The following LTBP1 variants were observed in gnomAD, a reference collection of about 807,000 sequenced individuals.
LTBP1 encodes the protein latent transforming growth factor beta binding protein 1, also known as latent-transforming growth factor beta-binding protein 1.
Under a neutral mutation model 207.6 loss-of-function variants are expected in LTBP1, and 129 were observed. The observed-to-expected ratio is 0.62, with a 90% CI of 0.54 to 0.72. LTBP1 has a LOEUF of 0.72. Among genes scored for constraint, LTBP1 ranks in the 30% least tolerant of loss-of-function variants. The pLI, the probability that LTBP1 is intolerant of heterozygous loss-of-function variation, is 0.00. For missense variants in LTBP1, 2,281 were observed against 2,217.2 expected, an observed-to-expected ratio of 1.03 and a Z score of -0.58; for synonymous variants, 963 against 833.7, an observed-to-expected ratio of 1.16 and a Z score of -2.67.
chr2:33,259,639 T>A (rs771278056), intron 13 of LTBP1, 29 bp downstream of exon 13: 2 of 1,591,252 alleles, frequency 1.3e-6, no homozygotes, highest in Non-Finnish European at 1.7e-6. Context: ...GCAAGTCTTT[T>A]TTTTTCAACG....
intron 3 of LTBP1, among the ~76,000 whole-genome samples, chr2:33,025,659 G>T (rs568957525): frequency 1.3e-5 from 2 of 152,304 alleles, no homozygotes; most frequent in South Asian, 2.1e-4. Context: ...GAGCTGTGAT[G>T]ATGGCATTGT....
At chr2:33,228,507 GGAAAGGGAACTAACCTTTATT>G (rs2091581660) in intron 9 of LTBP1, among the ~76,000 whole-genome samples, 1 of 151,928 alleles carries the variant, frequency 6.6e-6, no homozygotes, top group Admixed American at 6.6e-5. Flanking sequence ...TCTGCTTTAG[GGAAAGGGAACTAACCTTTATT>G]GATCATTTAC....
intron 3 of LTBP1, among the ~76,000 whole-genome samples, chr2:33,054,772 A>G (rs1558571074): frequency 6.6e-6 from 1 of 152,056 alleles, no homozygotes; most frequent in Admixed American, 6.5e-5. Context: ...AGTTAAATGT[A>G]CCCGGGGCTC....
At chr2:33,243,621 G>A (rs2092411153) in intron 9 of LTBP1, 41 bp from the exon 10 acceptor site, 1 of 1,607,156 alleles carries the variant, frequency 6.2e-7, no homozygotes, top group Admixed American at 1.7e-5. Context: ...CTGCTCAATG[G>A]GGCTTGACTG....
At chr2:33,313,449 CCACTGGGTCAG>C (rs2094215820) in intron 23 of LTBP1, among the ~76,000 whole-genome samples, 1 of 151,942 alleles carries the variant, frequency 6.6e-6, no homozygotes, top group Non-Finnish European at 1.5e-5. Context: ...TTATTGAGGA[CCACTGGGTCAG>C]TGGCTAAGCG....
chr2:33,177,754 A>G (rs980711335), intron 5 of LTBP1, among the ~76,000 whole-genome samples: 1 of 152,230 alleles, frequency 6.6e-6, no homozygotes, highest in Non-Finnish European at 1.5e-5. Context: ...ATGGAATATT[A>G]TATAGCTACT....
At chr2:33,174,561 C>A (rs1348299727) in intron 5 of LTBP1, among the ~76,000 whole-genome samples, 1 of 151,720 alleles carries the variant, frequency 6.6e-6, no homozygotes, top group Non-Finnish European at 1.5e-5. Flanking sequence ...GAATCAATAT[C>A]GTGAAAATGG....
At chr2:33,255,319 AAGTC>A (rs2092819620) in intron 11 of LTBP1, among the ~76,000 whole-genome samples, 1 of 152,118 alleles carries the variant, frequency 6.6e-6, no homozygotes, top group Non-Finnish European at 1.5e-5. Flanking sequence ...AATCATTAAA[AAGTC>A]AGGAAACAAC....
rs541843073 is a variant in LTBP1 at position 32,969,713 on chromosome 2, G to A, written c.565+20768G>A. ...AGGTTGGTTCCATGCATTTGCTATC[G>A]TGAATAGTGCTGTGATGAACATATG... is the stretch of plus-strand genomic sequence containing the variant. On this transcript the variant is annotated intron_variant, in intron 2 of 33. Transcript: ENST00000404816. Among the ~76,000 whole-genome samples, 20 of 152,074 alleles carry A rather than the reference G, an allele frequency of 1.3e-4. 1 individual carries two copies. Among genetic ancestry groups the A allele is most frequent in the Non-Finnish European group, 2.2e-4 (15 of 68,022 alleles).
intron 6 of LTBP1, 35 bp from the exon 7 acceptor site, chr2:33,188,542 C>T: frequency 3.2e-6 from 5 of 1,545,424 alleles, no homozygotes; most frequent in Non-Finnish European, 4.4e-6. Flanking sequence ...GTTAGTTATT[C>T]AGGACTAACA....
chr2:33,123,947 T>A (rs2081294666), intron 4 of LTBP1, among the ~76,000 whole-genome samples: 2 of 152,258 alleles, frequency 1.3e-5, no homozygotes, highest in South Asian at 4.1e-4. Flanking sequence ...AGTACCACTT[T>A]AGCTCTTTGT....
intron 16 of LTBP1, 104 bp from the exon 17 acceptor site, chr2:33,274,861 G>T: frequency 1.8e-6 from 2 of 1,094,580 alleles, no homozygotes; most frequent in Non-Finnish European, 2.7e-6. Flanking sequence ...CAGTTATAAA[G>T]GTTGGGTGGT....
chr2:32,947,538 CCCAGCCGTGCCT>C lies in LTBP1; in HGVS notation c.217_228del (p.Ser73_Ser76del). On this transcript the variant is annotated inframe_deletion, in exon 1 of 34. Coordinates refer to ENST00000404816, the MANE Select transcript of LTBP1 (RefSeq NM_206943.4). ...CCGCAGCTCGGCGGCTGCCGGCGCC[CCCAGCCGTGCCT>C]CCCCCGGGGTCCCCTCGGAGAGGAC... 1 of 1,387,442 alleles carries C rather than the reference CCCAGCCGTGCCT, an allele frequency of 7.2e-7. No individual in the cohort carries two copies. Among genetic ancestry groups the C allele is most frequent in the Non-Finnish European group, 9.3e-7 (1 of 1,072,906 alleles). The allele number at this position is 1,387,442 out of a possible 1,614,324, so 85.9% of individuals were successfully genotyped here.
intron 33 of LTBP1, among the ~76,000 whole-genome samples, chr2:33,398,063 A>G (rs115430382): frequency 0.01 from 1,579 of 152,262 alleles, 15 homozygotes; most frequent in Middle Eastern, 0.024. Flanking sequence ...CTCCATACCT[A>G]TGGGAAGGAA....
chr2:33,143,040 C>G (rs933010473), intron 5 of LTBP1, among the ~76,000 whole-genome samples: 3 of 152,194 alleles, frequency 2.0e-5, no homozygotes, highest in Non-Finnish European at 4.4e-5. Context: ...TTCTTCCACC[C>G]CAATCCTCTA....
At chr2:33,198,782 CCT>C (rs1422413994) in intron 7 of LTBP1, among the ~76,000 whole-genome samples, 1 of 151,844 alleles carries the variant, frequency 6.6e-6, no homozygotes, top group African/African-American at 2.4e-5. Context: ...ATTTGATTCT[CCT>C]CTCTTTTCTT....
chr2:33,261,357 T>G (rs1279015598), intron 13 of LTBP1, among the ~76,000 whole-genome samples: 1 of 152,204 alleles, frequency 6.6e-6, no homozygotes, highest in Non-Finnish European at 1.5e-5. Context: ...TGAGGTCATC[T>G]CTAGTAAGTA....
intron 4 of LTBP1, among the ~76,000 whole-genome samples, chr2:33,113,043 T>C (rs11124308): frequency 0.15 from 23,180 of 152,218 alleles, 1,895 homozygotes; most frequent in Non-Finnish European, 0.19. Context: ...TTGAGCATGA[T>C]GTATCTTGGA....
chr2:33,232,394 A>C (rs1343347830), intron 9 of LTBP1, among the ~76,000 whole-genome samples: 1 of 152,212 alleles, frequency 6.6e-6, no homozygotes, highest in Non-Finnish European at 1.5e-5. Context: ...CTGAAAGGCC[A>C]TTATGGCAAC....
Sources: allele counts gnomAD v4.1 joint callset (sites outside exome capture counted in the v4.1 genomes callset), GRCh38; gene constraint gnomAD v4.1.1; transcripts MANE v1.5; gene names NCBI Gene and HGNC (gene_info 2026-07-23, HGNC 2026-07-21).